The following ANKRD6 variants were observed in gnomAD, a reference collection of about 807,000 sequenced individuals.
ANKRD6 encodes the protein ankyrin repeat domain 6.
In ANKRD6, 56 loss-of-function variants were observed where a neutral mutation model predicts 82.3. The ratio of observed to expected loss-of-function variants is 0.68; its 90% confidence interval spans 0.55 to 0.85. The LOEUF (loss-of-function observed/expected upper bound fraction) is 0.85. ANKRD6 is among the 40% of genes least tolerant of loss of function. ANKRD6 has a pLI of 0.00. For missense variants in ANKRD6, 852 were observed against 907.6 expected (o/e 0.94, Z 0.79); for synonymous variants, 347 against 352.1 (o/e 0.99, Z 0.16).
chr6:89,467,057 A>T (rs918596915), intron 1 of ANKRD6, among the ~76,000 whole-genome samples: 1 of 152,002 alleles, frequency 6.6e-6, no homozygotes, highest in Non-Finnish European at 1.5e-5. Flanking sequence ...GATTTTTTTC[A>T]AGCAAGCTGG....
At chr6:89,577,933 G>A (rs1298644607) in intron 2 of ANKRD6, among the ~76,000 whole-genome samples, 2 of 152,226 alleles carry the variant, frequency 1.3e-5, no homozygotes, top group African/African-American at 4.8e-5. Context: ...AGAAAATTCA[G>A]TATCATTCAT....
rs114657451 is a variant in ANKRD6, at chr6:89,566,297, G to T, written c.-143-537G>T. 7.5e-3 allele frequency among the ~76,000 whole-genome samples: 1,148 copies of T among 152,308 alleles called. 25 individuals carry two copies. The highest frequency in any genetic ancestry group is 0.026 in the African/African-American group (1,087 of 41,576). ...GAACTCGTGAACTACACTATTTACG[G>T]TGAAAAAAGGTTGAAGGGAGAGAAC... is the stretch of plus-strand genomic sequence containing the variant. On this transcript the variant is annotated intron_variant, in intron 1 of 15. Transcript: ENST00000339746.
At chr6:89,474,106 AAAAACAAAAC>A (rs61656053) in intron 1 of ANKRD6, among the ~76,000 whole-genome samples, 5 of 150,568 alleles carry the variant, frequency 3.3e-5, no homozygotes, top group South Asian at 2.1e-4. Flanking sequence ...CCTGTCTCAA[AAAAACAAAAC>A]AAAACAAAAC....
At chr6:89,570,187 C>A (rs1329722731) in intron 2 of ANKRD6, among the ~76,000 whole-genome samples, 2 of 151,748 alleles carry the variant, frequency 1.3e-5, no homozygotes, top group Non-Finnish European at 2.9e-5. Context: ...TTCAAGCAAT[C>A]CTCCCACCTC....
At chr6:89,470,724 T>C (rs1190513354) in intron 1 of ANKRD6, among the ~76,000 whole-genome samples, 1 of 152,184 alleles carries the variant, frequency 6.6e-6, no homozygotes, top group Admixed American at 6.5e-5. Context: ...ACCAGCACTA[T>C]AGTGAACATC....
chr6:89,610,188 C>T (rs1367287863), intron 5 of ANKRD6, among the ~76,000 whole-genome samples: 2 of 152,284 alleles, frequency 1.3e-5, no homozygotes, highest in Non-Finnish European at 2.9e-5. Context: ...CAAATGTATA[C>T]GGTTGTGTAA....
chr6:89,615,190 G>T (rs1355665370), intron 7 of ANKRD6, among the ~76,000 whole-genome samples: 1 of 151,980 alleles, frequency 6.6e-6, no homozygotes, highest in Non-Finnish European at 1.5e-5. Flanking sequence ...TTGTGGTGTA[G>T]ATTAAAAATA....
chr6:89,626,119 C>G (rs2128271468), intron 13 of ANKRD6, among the ~76,000 whole-genome samples: 1 of 152,186 alleles, frequency 6.6e-6, no homozygotes, highest in Admixed American at 6.5e-5. Context: ...TAAGATGAAA[C>G]ATTTTTAAGG....
chr6:89,508,640 G>A (rs969277370), intron 1 of ANKRD6, among the ~76,000 whole-genome samples: 1 of 152,040 alleles, frequency 6.6e-6, no homozygotes, highest in African/African-American at 2.4e-5. Flanking sequence ...TGTCGGACAC[G>A]GTCATCAACA....
rs936062094 is a variant in ANKRD6, at chr6:89,616,351, AG to A, written c.616-207del. ...TGCGTGATTTCAGGTATCCTCACTC[AG>A]AAAGAAAGGTGATATTGGTGCCGAG... On this transcript the variant is annotated intron_variant, in intron 7 of 15. Coordinates refer to ENST00000339746, the MANE Select transcript of ANKRD6 (RefSeq NM_001242809.2). 125 of 570,442 alleles carry A rather than the reference AG, an allele frequency of 2.2e-4. 1 individual carries two copies. The highest frequency in any genetic ancestry group is 6.7e-4 in the Admixed American group (22 of 32,610). 35.3% of individuals were successfully genotyped at this position (570,442 alleles called of 1,614,324 possible).
chr6:89,630,946 T>C lies in ANKRD6; in HGVS notation c.2126T>C (p.Ile709Thr), dbSNP rs1489447702. 1.2e-6 allele frequency: 2 copies of C among 1,600,730 alleles called. No individual in the cohort carries two copies. The highest frequency in any genetic ancestry group is 1.7e-6 in the Non-Finnish European group (2 of 1,173,754). Residue 709 changes from isoleucine (I) to threonine (T), a missense_variant, in exon 16 of 16, where the codon ATT becomes ACT. By Grantham distance (89) the Ile-to-Thr change is moderately conservative (BLOSUM62 -1). Coordinates refer to ENST00000339746, the MANE Select transcript of ANKRD6 (RefSeq NM_001242809.2). Reference protein sequence around the residue: ...QQDKATLKEHIKSLEEELAKL... With the variant: ...QQDKATLKEHTKSLEEELAKL... The stretch of plus-strand genomic sequence containing the variant: ...GATAAGGCTACATTGAAGGAACACA[T>C]TAAAAGTTTAGAAGAGGAACTTGCC...
At chr6:89,564,845 C>A (rs1199378024) in intron 1 of ANKRD6, among the ~76,000 whole-genome samples, 1 of 151,598 alleles carries the variant, frequency 6.6e-6, no homozygotes, top group Non-Finnish European at 1.5e-5. Context: ...CTAGAGTTAA[C>A]AAATGGGTAG....
At chr6:89,509,473 T>C (rs977838815) in intron 1 of ANKRD6, among the ~76,000 whole-genome samples, 1 of 152,146 alleles carries the variant, frequency 6.6e-6, no homozygotes, top group Non-Finnish European at 1.5e-5. Flanking sequence ...ACAACTAGTT[T>C]AAGGGTGGGC....
intron 5 of ANKRD6, among the ~76,000 whole-genome samples, chr6:89,610,006 G>A (rs888937342): frequency 4.6e-5 from 7 of 152,156 alleles, no homozygotes; most frequent in Admixed American, 2.0e-4. Context: ...GCCATAGCCC[G>A]TAGAAAGATC....
At chr6:89,501,124 G>A (rs1322749310) in intron 1 of ANKRD6, among the ~76,000 whole-genome samples, 1 of 152,122 alleles carries the variant, frequency 6.6e-6, no homozygotes, top group Non-Finnish European at 1.5e-5. Flanking sequence ...TTCAGAACAT[G>A]TGATACTTGG....
chr6:89,611,877 A>AC (rs1800327738), intron 5 of ANKRD6, among the ~76,000 whole-genome samples: 1 of 152,256 alleles, frequency 6.6e-6, no homozygotes, highest in Admixed American at 6.5e-5. Flanking sequence ...GTCATCTGAT[A>AC]GGAATTGAGT....
chr6:89,539,494 T>C (rs970253398), intron 1 of ANKRD6, among the ~76,000 whole-genome samples: 1 of 152,164 alleles, frequency 6.6e-6, no homozygotes, highest in Non-Finnish European at 1.5e-5. Context: ...GCATTTATTA[T>C]GAAGAATTGC....
chr6:89,624,516 T>C, intron 12 of ANKRD6, 23 bp from the exon 13 acceptor site: 1 of 1,551,610 alleles, frequency 6.4e-7, no homozygotes, highest in Non-Finnish European at 8.7e-7. Flanking sequence ...AAGGGATTGA[T>C]TCCTTTTTTG....
chr6:89,463,933 T>C (rs1774519024), intron 1 of ANKRD6, among the ~76,000 whole-genome samples: 1 of 152,238 alleles, frequency 6.6e-6, no homozygotes, highest in African/African-American at 2.4e-5. Context: ...AAGGAGCTCA[T>C]CCTCACTAGT....
Sources: allele counts gnomAD v4.1 joint callset (sites outside exome capture counted in the v4.1 genomes callset), GRCh38; gene constraint gnomAD v4.1.1; transcripts MANE v1.5; gene names NCBI Gene and HGNC (gene_info 2026-07-23, HGNC 2026-07-21).